FHIP2B: variants seen among roughly 807,000 people sequenced by gnomAD.
FHIP2B encodes FHF complex subunit HOOK-interacting protein 2B.
A neutral mutation model predicts 84.0 loss-of-function variants in FHIP2B; 72 were observed. The observed-to-expected ratio is 0.86, with a 90% CI of 0.71 to 1.04. FHIP2B has a LOEUF of 1.04. FHIP2B is among the 50% of genes least tolerant of loss of function. The pLI, the probability that FHIP2B is intolerant of heterozygous loss-of-function variation, is 0.00. For synonymous variants in FHIP2B, 497 were observed against 418.7 expected (o/e 1.19, Z -2.28); for missense variants, 972 against 968.9 (o/e 1.00, Z -0.04).
At chr8:22,099,562 C>T in intron 9 of FHIP2B, 142 bp from the exon 10 acceptor site, 2 of 1,125,394 alleles carry the variant, frequency 1.8e-6, no homozygotes, top group Non-Finnish European at 2.5e-6. Flanking sequence ...TCCTACCCTT[C>T]CCTGCAGGAC....
At position 22,099,847 on chromosome 8, in the gene FHIP2B, C is replaced by T; in HGVS notation, c.1295C>T (p.Thr432Ile). The T allele has an allele frequency of 1.2e-6, 2 of 1,613,162 alleles. No individual in the cohort carries two copies. Among genetic ancestry groups the T allele is most frequent in the East Asian group, 2.2e-5 (1 of 44,838 alleles). ...GAAGCCCCCGGGGACAACCCCCACA[C>T]CCTGTATGCTCATCTCATCGGGCAT... ...QPEAPGDNPH[T>I]LYAHLIGHCD... The change falls in exon 10 of 17, where the codon ACC becomes ATC. Residue 432 changes from threonine to isoleucine, a missense_variant. By Grantham distance (89) the Thr-to-Ile change is moderately conservative. Coordinates refer to ENST00000289921, the MANE Select transcript of FHIP2B (RefSeq NM_022749.7).
rs768241018 is a variant in FHIP2B at position 22,094,458 on chromosome 8, C to T, written c.64C>T (p.Leu22=). ...AVGAREPSID[L]LQAFVEHWKG... ...TCCGCAGCGCGAGCCCAGCATTGAC[C>T]TGCTGCAGGCCTTCGTGGAGCACTG... Residue 22 remains leucine, a synonymous_variant, in exon 2 of 17, where the codon CTG becomes TTG. Coordinates refer to ENST00000289921, the MANE Select transcript of FHIP2B (RefSeq NM_022749.7). The T allele has an allele frequency of 4.0e-5, 65 of 1,610,870 alleles. No homozygotes were observed. Among genetic ancestry groups the T allele is most frequent in the Non-Finnish European group, 5.3e-5 (63 of 1,178,780 alleles).
intron 13 of FHIP2B, 64 bp downstream of exon 13, chr8:22,101,594 G>A (rs1563602276): frequency 3.2e-6 from 5 of 1,566,750 alleles, no homozygotes; most frequent in Non-Finnish European, 3.5e-6. Context: ...CATAAGCTCT[G>A]GGTTCCGCCT....
rs1314569693 is a variant in FHIP2B at position 22,089,929 on chromosome 8, T to C, written c.45+631T>C. ...CTATTGGGTGCAGATGTTTCCAGCG[T>C]GGCTGTGACCCCTCACAAGCCAAAT... is the stretch of plus-strand genomic sequence containing the variant. On this transcript the variant is annotated intron_variant, in intron 1 of 16. Coordinates refer to ENST00000289921, the MANE Select transcript of FHIP2B (RefSeq NM_022749.7). The C allele has an allele frequency of 2.9e-6, 3 of 1,042,358 alleles. No individual in the cohort carries two copies. In the African/African-American group the frequency reaches 4.9e-5, roughly 17 times the overall value. The allele number at this position is 1,042,358 out of a possible 1,614,324, so 64.6% of individuals were successfully genotyped here. A position where few individuals can be genotyped will look rare whatever the true frequency, so the allele number is the denominator to read the frequency against.
At position 22,098,199 on chromosome 8, in the gene FHIP2B, C is replaced by G; in HGVS notation, c.657C>G (p.Ser219=). Reference sequence around the variant, plus strand: ...CCAGGCCCCAGCTGGACGGGGAGTCCTGTGGGGCCCAGGCCTTGAACAGCC... The same window carrying G: ...CCAGGCCCCAGCTGGACGGGGAGTCGTGTGGGGCCCAGGCCTTGAACAGCC... ...APARPQLDGE[S]CGAQALNSHM... Residue 219 remains serine, a synonymous_variant, in exon 6 of 17, where the codon TCC becomes TCG. Transcript: ENST00000289921. 6.3e-7 allele frequency: 1 copy of G among 1,579,816 alleles called. No individual in the cohort carries two copies. The highest frequency in any genetic ancestry group is 8.6e-7 in the Non-Finnish European group (1 of 1,163,528).
Position 22,097,630 on chromosome 8 carries a change from C to T in FHIP2B, c.402+10C>T. 6.2e-7 allele frequency: 1 copy of T among 1,604,198 alleles called. No homozygotes were observed. Among genetic ancestry groups the T allele is most frequent in the Non-Finnish European group, 8.5e-7 (1 of 1,175,726 alleles). On this transcript the variant is annotated intron_variant, in intron 4 of 16. Coordinates refer to ENST00000289921, the MANE Select transcript of FHIP2B (RefSeq NM_022749.7). ...CCACAGGCCTGTGCAGGTGAGGGGC[C>T]CGGAAGCCAAGGGGTGTCTGGGTGT...
Position 22,096,444 on chromosome 8 carries a change from C to A in FHIP2B, c.232C>A (p.Pro78Thr). Residue 78 changes from proline (P) to threonine (T), a missense_variant, in exon 3 of 17, where the codon CCC (proline) becomes ACC (threonine). By Grantham distance (38) the Pro-to-Thr change is conservative (BLOSUM62 -1). Transcript: ENST00000289921. ...GCAGGCGGCCGCGGGTGAGGCAGGGCCCTGCCTGGAGTACCTGCTGCAGCA... is the reference window on the plus strand; with the variant it reads ...GCAGGCGGCCGCGGGTGAGGCAGGGACCTGCCTGGAGTACCTGCTGCAGCA... Reference protein sequence around the residue: ...QQQAAAGEAGPCLEYLLQHKI... With the variant: ...QQQAAAGEAGTCLEYLLQHKI... 5.8e-6 allele frequency: 9 copies of A among 1,555,262 alleles called. No homozygotes were observed. The highest frequency in any genetic ancestry group is 7.8e-6 in the Non-Finnish European group (9 of 1,149,464).
chr8:22,090,160 G>GGGT (rs1161635919), intron 1 of FHIP2B, among the ~76,000 whole-genome samples: 1 of 132,762 alleles, frequency 7.5e-6, no homozygotes, highest in African/African-American at 2.8e-5. Flanking sequence ...GGGTGGGGGG[G>GGGT]GTGCCCGCTG....
rs1826119963 is a variant in FHIP2B at position 22,101,627 on chromosome 8, A to G, written c.1708-81A>G. 38 of 1,558,306 alleles carry G rather than the reference A, an allele frequency of 2.4e-5. No homozygotes were observed. In the South Asian group the frequency reaches 4.4e-4, roughly 18 times the overall value. On this transcript the variant is annotated intron_variant, in intron 13 of 16. Transcript: ENST00000289921. ...CCTCTCTCATCTGCCCAAGGACCCC[A>G]GCCCATCCCTCCTGCGTGGGGCCCT... is the stretch of plus-strand genomic sequence containing the variant.
At chr8:22,093,963 C>T (rs1002904974) in intron 1 of FHIP2B, among the ~76,000 whole-genome samples, 1 of 152,122 alleles carries the variant, frequency 6.6e-6, no homozygotes. Flanking sequence ...GCCGTCTGCC[C>T]ACCTTTGCCT....
At chr8:22,093,696 G>GA (rs1269453970) in intron 1 of FHIP2B, among the ~76,000 whole-genome samples, 5 of 134,366 alleles carry the variant, frequency 3.7e-5, no homozygotes, top group African/African-American at 1.4e-4. Context: ...GAGAGGAATG[G>GA]AAAAGCTTTG....
chr8:22,094,418 G>C (rs1825654335), intron 1 of FHIP2B, 22 bp from the exon 2 acceptor site: 1 of 1,584,794 alleles, frequency 6.3e-7, no homozygotes, highest in South Asian at 1.1e-5. Context: ...CCCCACTGAG[G>C]TTGTGTGTCT....
rs768705822 is a variant in FHIP2B at position 22,101,771 on chromosome 8, C to T, written c.1771C>T (p.Pro591Ser). 28 of 1,613,318 alleles carry T rather than the reference C, an allele frequency of 1.7e-5. No individual in the cohort carries two copies. Among genetic ancestry groups the T allele is most frequent in the Non-Finnish European group, 2.3e-5 (27 of 1,179,768 alleles). Residue 591 changes from proline to serine, a missense_variant, in exon 14 of 17, where the codon CCC becomes TCC. Physicochemically the swap from Pro to Ser is moderately conservative, Grantham distance 74. Coordinates refer to ENST00000289921, the MANE Select transcript of FHIP2B (RefSeq NM_022749.7). ...GCCTCTGACCCCCACACCTTTGGACCCCCATGAGCCCGAGCGACCTTTCTT... is the reference window on the plus strand; with the variant it reads ...GCCTCTGACCCCCACACCTTTGGACTCCCATGAGCCCGAGCGACCTTTCTT... Reference protein sequence around the residue: ...GWPLTPTPLDPHEPERPFFEG... With the variant: ...GWPLTPTPLDSHEPERPFFEG...
intron 10 of FHIP2B, 125 bp from the exon 11 acceptor site, chr8:22,100,469 T>G: frequency 9.0e-7 from 1 of 1,114,864 alleles, no homozygotes; most frequent in Non-Finnish European, 1.2e-6. Context: ...CCTGCCACCT[T>G]AGCATCCAGC....
intron 7 of FHIP2B, 75 bp downstream of exon 7, chr8:22,098,694 C>T: frequency 7.0e-7 from 1 of 1,418,884 alleles, no homozygotes; most frequent in Non-Finnish European, 9.4e-7. Context: ...GTGGCCAGCT[C>T]CCCTGGGGTT....
At chr8:22,094,241 C>T (rs1825646184) in intron 1 of FHIP2B, among the ~76,000 whole-genome samples, 199 bp from the exon 2 acceptor site, 1 of 152,092 alleles carries the variant, frequency 6.6e-6, no homozygotes, top group Non-Finnish European at 1.5e-5. Context: ...GGGAGAAGTG[C>T]CTGTCAGGAG....
Position 22,102,808 on chromosome 8 carries a change from C to A in FHIP2B, c.2109C>A (p.Thr703=). The A allele has an allele frequency of 6.2e-7, 1 of 1,613,448 alleles. No homozygotes were observed. The highest frequency in any genetic ancestry group is 1.1e-5 in the South Asian group (1 of 91,082). The change falls in exon 17 of 17, where the codon ACC becomes ACA. Residue 703 remains threonine (T), a synonymous_variant. Transcript: ENST00000289921. The part of the protein sequence containing the change: ...QAPGEQLDHQ[T]LLQGVVVLEE... ...CTCCCCTCAGGCTGGACCACCAGAC[C>A]CTCCTCCAGGGCGTGGTGGTGCTGG...
chr8:22,097,616 T>C lies in FHIP2B; in HGVS notation c.398T>C (p.Val133Ala). ...CATTACCTCAGCGTCCACAGGCCTG[T>C]GCAGGTGAGGGGCCCGGAAGCCAAG... ...LLHYLSVHRP[V>A]QKLLRLGGTA... is the part of the protein sequence containing the mutation. The change falls in exon 4 of 17, where the codon GTG becomes GCG. Residue 133 changes from valine to alanine, a missense_variant. Coordinates refer to ENST00000289921, the MANE Select transcript of FHIP2B (RefSeq NM_022749.7). 6.2e-7 allele frequency: 1 copy of C among 1,606,280 alleles called. No individual in the cohort carries two copies. The highest frequency in any genetic ancestry group is 8.5e-7 in the Non-Finnish European group (1 of 1,176,738).
chr8:22,102,960 G>A lies in FHIP2B; in HGVS notation c.*29G>A, dbSNP rs771872837. 14 of 1,606,224 alleles carry A rather than the reference G, an allele frequency of 8.7e-6. No individual in the cohort carries two copies. In the South Asian group the frequency reaches 1.3e-4, roughly 15 times the overall value. ...AGCACCAGGGCGGTGGGAGACTCCTGTCCACACCTCTGCCCCAGAGCTGCC... is the reference window on the plus strand; with the variant it reads ...AGCACCAGGGCGGTGGGAGACTCCTATCCACACCTCTGCCCCAGAGCTGCC... On this transcript the variant is annotated 3_prime_UTR_variant, in exon 17 of 17. Transcript: ENST00000289921.
Sources: allele counts gnomAD v4.1 joint callset (sites outside exome capture counted in the v4.1 genomes callset), GRCh38; gene constraint gnomAD v4.1.1; transcripts MANE v1.5; gene names NCBI Gene and HGNC (gene_info 2026-07-23, HGNC 2026-07-21).